The following GRID2 variants were observed in gnomAD, a reference collection of about 807,000 sequenced individuals.
The protein encoded by GRID2 is glutamate receptor ionotropic, delta-2.
GRID2 carries 33 observed loss-of-function variants against 114.8 expected under a neutral mutation model. That is an observed-to-expected ratio of 0.29 (90% confidence interval 0.22 to 0.38). The LOEUF (loss-of-function observed/expected upper bound fraction) is 0.38. Among genes scored for constraint, GRID2 ranks in the 10% least tolerant of loss-of-function variants. The probability of loss-of-function intolerance (pLI) is 1.00; values close to 1 mark genes in which losing one functional copy is unlikely to be tolerated. For synonymous variants in GRID2, 505 were observed against 449.9 expected (o/e 1.12, Z -1.55); for missense variants, 1,184 against 1,257.7 (o/e 0.94, Z 0.89).
intron 13 of GRID2, among the ~76,000 whole-genome samples, chr4:93,557,884 C>T (rs867543172): frequency 1.3e-5 from 2 of 152,204 alleles, no homozygotes; most frequent in South Asian, 2.1e-4. Flanking sequence ...TCATAACAAA[C>T]AGTCTCTCAG....
chr4:92,543,953 A>T (rs146533232), intron 1 of GRID2, among the ~76,000 whole-genome samples: 1 of 152,134 alleles, frequency 6.6e-6, no homozygotes. Context: ...GCTAATTCCA[A>T]CTCTGCACAC....
chr4:92,434,742 A>T (rs936891585), intron 1 of GRID2, among the ~76,000 whole-genome samples: 1 of 152,252 alleles, frequency 6.6e-6, no homozygotes, highest in South Asian at 2.1e-4. Context: ...CTAATAATAC[A>T]AATTTTTCCA....
chr4:92,509,627 T>G (rs1724140222), intron 1 of GRID2, among the ~76,000 whole-genome samples: 1 of 151,922 alleles, frequency 6.6e-6, no homozygotes, highest in Admixed American at 6.6e-5. Context: ...AAAAGTTAAG[T>G]AGAAAAAGGA....
At chr4:92,417,867 G>A (rs1731697089) in intron 1 of GRID2, among the ~76,000 whole-genome samples, 1 of 152,066 alleles carries the variant, frequency 6.6e-6, no homozygotes, top group African/African-American at 2.4e-5. Context: ...TAAGTCTCAT[G>A]CGATCTGACG....
At position 92,720,169 on chromosome 4, in the gene GRID2, A is replaced by G. The variant is rs149068432; in HGVS notation, c.244+129883A>G. On this transcript the variant is annotated intron_variant, in intron 2 of 15. Coordinates refer to ENST00000282020, the MANE Select transcript of GRID2 (RefSeq NM_001510.4). The stretch of plus-strand genomic sequence containing the variant: ...TATATTTTACTGTACATTAATTTTC[A>G]GCATTTTTTTTAAGAACAAAAGATG... 4.6e-3 allele frequency among the ~76,000 whole-genome samples: 702 copies of G among 152,140 alleles called. 2 individuals carry two copies. The highest frequency in any genetic ancestry group is 0.016 in the African/African-American group (673 of 41,534).
At chr4:92,755,361 G>T (rs971231758) in intron 2 of GRID2, among the ~76,000 whole-genome samples, 15 of 152,136 alleles carry the variant, frequency 9.9e-5, no homozygotes, top group African/African-American at 3.4e-4. Flanking sequence ...AGCTATCATT[G>T]TATAGATAAG....
intron 14 of GRID2, among the ~76,000 whole-genome samples, chr4:93,627,224 C>G (rs1742813803): frequency 6.6e-6 from 1 of 152,118 alleles, no homozygotes; most frequent in Non-Finnish European, 1.5e-5. Flanking sequence ...TGTTTATTTT[C>G]TAGATTTTCT....
chr4:92,765,763 C>A (rs1046078804), intron 2 of GRID2, among the ~76,000 whole-genome samples: 1 of 152,132 alleles, frequency 6.6e-6, no homozygotes, highest in Non-Finnish European at 1.5e-5. Context: ...TCTGGTGGTG[C>A]CCTCACTTTA....
chr4:93,077,197 G>T (rs1157597977), intron 2 of GRID2, among the ~76,000 whole-genome samples: 1 of 152,160 alleles, frequency 6.6e-6, no homozygotes, highest in East Asian at 1.9e-4. Flanking sequence ...AACATTAGGA[G>T]TAAAATTAAC....
At chr4:93,474,194 G>T (rs943537737) in intron 11 of GRID2, among the ~76,000 whole-genome samples, 8 of 152,076 alleles carry the variant, frequency 5.3e-5, no homozygotes, top group Non-Finnish European at 8.8e-5. Flanking sequence ...AACGACAAAT[G>T]CATTTGTTGA....
rs151280717 is a variant in GRID2 at position 93,703,497 on chromosome 4, A to AT, written c.2361-65704dup. Among the ~76,000 whole-genome samples the AT allele has an allele frequency of 1.4e-3, 214 of 151,396 alleles. 1 individual carries two copies. Among genetic ancestry groups the AT allele is most frequent in the Non-Finnish European group, 2.1e-3 (141 of 67,748 alleles). ...TGGTAGCAAATACTAGATCGTATTT[A>AT]TTTTTTTTTATATGTACTTTAAGTT... On this transcript the variant is annotated intron_variant, in intron 14 of 15. Coordinates refer to ENST00000282020, the MANE Select transcript of GRID2 (RefSeq NM_001510.4).
At chr4:93,604,498 C>T (rs1185102868) in intron 13 of GRID2, among the ~76,000 whole-genome samples, 1 of 152,168 alleles carries the variant, frequency 6.6e-6, no homozygotes, top group Non-Finnish European at 1.5e-5. Context: ...AACATAACAA[C>T]AAAGGATTTA....
chr4:93,709,066 T>C (rs1728259244), intron 14 of GRID2, among the ~76,000 whole-genome samples: 1 of 151,972 alleles, frequency 6.6e-6, no homozygotes, highest in South Asian at 2.1e-4. Context: ...AAAGTTGTTG[T>C]AGTTGTTATG....
intron 10 of GRID2, among the ~76,000 whole-genome samples, chr4:93,445,826 ATTTAC>A (rs753608455): frequency 1.3e-5 from 2 of 152,010 alleles, no homozygotes; most frequent in Admixed American, 1.3e-4. Context: ...TGAAATATCT[ATTTAC>A]TTAAGATGTT....
At chr4:92,768,596 A>G (rs1468169001) in intron 2 of GRID2, among the ~76,000 whole-genome samples, 1 of 152,208 alleles carries the variant, frequency 6.6e-6, no homozygotes, top group Non-Finnish European at 1.5e-5. Context: ...GAGACTGGGT[A>G]ATTTACAAAA....
At chr4:92,925,320 G>C (rs1203948051) in intron 2 of GRID2, among the ~76,000 whole-genome samples, 1 of 152,030 alleles carries the variant, frequency 6.6e-6, no homozygotes. Flanking sequence ...TCATTTCAGA[G>C]ATTAGAGGTG....
At chr4:93,654,383 C>A (rs1722829274) in intron 14 of GRID2, among the ~76,000 whole-genome samples, 1 of 152,166 alleles carries the variant, frequency 6.6e-6, no homozygotes, top group Non-Finnish European at 1.5e-5. Context: ...AGTTCTGATG[C>A]TGTATTTAGT....
chr4:93,319,376 A>G (rs937161715), intron 8 of GRID2, among the ~76,000 whole-genome samples: 3 of 152,062 alleles, frequency 2.0e-5, no homozygotes, highest in African/African-American at 4.8e-5. Flanking sequence ...CAATTTCTTA[A>G]TTTAGCTCAG....
At position 92,642,774 on chromosome 4, in the gene GRID2, G is replaced by GT. The variant is rs989468278; in HGVS notation, c.244+52494dup. 4.0e-5 allele frequency among the ~76,000 whole-genome samples: 6 copies of GT among 151,652 alleles called. No homozygotes were observed. In the Admixed American group the frequency reaches 4.0e-4, roughly 10 times the overall value. ...GAAATTTCCTAGGTTTTCTTCTAGG[G>GT]TTTTTTATAGTGTGAGGTCTTCCAC... On this transcript the variant is annotated intron_variant, in intron 2 of 15. Transcript: ENST00000282020.
Sources: gnomAD v4.1 joint callset for allele counts (sites outside exome capture counted in the v4.1 genomes callset) on GRCh38, gnomAD v4.1.1 for gene constraint, MANE v1.5 for transcripts, NCBI Gene and HGNC (gene_info 2026-07-23, HGNC 2026-07-21) for gene names.